The following IMPA1 variants were observed in gnomAD, a reference collection of about 807,000 sequenced individuals.
IMPA1 encodes D-galactose 1-phosphate phosphatase.
Under a neutral mutation model 34.9 loss-of-function variants are expected in IMPA1, and 21 were observed. The ratio of observed to expected loss-of-function variants is 0.60; its 90% CI spans 0.43 to 0.87. The LOEUF (loss-of-function observed/expected upper bound fraction) is 0.87, where lower values mean the gene tolerates loss of function less well. Ranked by LOEUF, IMPA1 falls within the 40% of genes least tolerant of loss-of-function variation. IMPA1 has a pLI of 0.00. For synonymous variants in IMPA1, 95 were observed against 104.4 expected, an observed-to-expected ratio of 0.91 and a Z score of 0.55; for missense variants, 299 against 336.4, an observed-to-expected ratio of 0.89 and a Z score of 0.87.
intron 1 of IMPA1, among the ~76,000 whole-genome samples, chr8:81,685,527 T>C (rs1285121022): frequency 6.9e-6 from 1 of 145,398 alleles, no homozygotes; most frequent in Non-Finnish European, 1.5e-5. Context: ...TTCTGTACTA[T>C]ATATAAGTAT....
At chr8:81,663,664 T>C (rs577986336) in intron 7 of IMPA1, among the ~76,000 whole-genome samples, 41 of 152,364 alleles carry the variant, frequency 2.7e-4, no homozygotes, top group Middle Eastern at 6.8e-3. Context: ...GAAAATATTA[T>C]GTTGTTATTT....
At chr8:81,659,604 T>C in intron 8 of IMPA1, 138 bp from the exon 9 acceptor site, 1 of 611,728 alleles carries the variant, frequency 1.6e-6, no homozygotes, top group Non-Finnish European at 2.9e-6. Context: ...ACTGTTACAT[T>C]TCTACAATGT....
chr8:81,672,223 C>T (rs938606684), intron 6 of IMPA1, among the ~76,000 whole-genome samples: 1 of 152,184 alleles, frequency 6.6e-6, no homozygotes, highest in Non-Finnish European at 1.5e-5. Context: ...TTTCAATGTG[C>T]AAACTGTGGA....
chr8:81,668,286 T>G (rs1021188649), intron 7 of IMPA1, among the ~76,000 whole-genome samples: 4 of 152,040 alleles, frequency 2.6e-5, no homozygotes, highest in Non-Finnish European at 5.9e-5. Context: ...AATGAATAAT[T>G]AAAGGGGAAG....
At chr8:81,662,996 T>C (rs1806722623) in intron 7 of IMPA1, among the ~76,000 whole-genome samples, 1 of 152,238 alleles carries the variant, frequency 6.6e-6, no homozygotes, top group African/African-American at 2.4e-5. Flanking sequence ...TTAGTTTCAT[T>C]GTTTTGTATA....
At chr8:81,680,038 G>C (rs1022069211) in intron 3 of IMPA1, among the ~76,000 whole-genome samples, 2 of 151,692 alleles carry the variant, frequency 1.3e-5, no homozygotes, top group East Asian at 3.9e-4. Flanking sequence ...AGGAGGCTGA[G>C]GCAGGAGAAT....
intron 1 of IMPA1, among the ~76,000 whole-genome samples, chr8:81,685,543 C>T (rs891569560): frequency 7.1e-6 from 1 of 141,382 alleles, no homozygotes; most frequent in Admixed American, 7.2e-5. Context: ...AGTATATATA[C>T]GTAAGTATAT....
chr8:81,660,471 G>C, intron 8 of IMPA1, 45 bp downstream of exon 8: 1 of 1,573,350 alleles, frequency 6.4e-7, no homozygotes, highest in Non-Finnish European at 8.7e-7. Flanking sequence ...ATGGACAAAA[G>C]TCCAACAGAT....
intron 7 of IMPA1, among the ~76,000 whole-genome samples, chr8:81,669,878 C>A (rs1366131855): frequency 3.9e-5 from 6 of 152,144 alleles, no homozygotes; most frequent in Admixed American, 3.9e-4. Flanking sequence ...ATGGATTAAT[C>A]CACTCATGGG....
In IMPA1 at chr8:81,685,775, A is replaced by G. The variant is rs1351280485; in HGVS notation, c.-25+477T>C. 6 of 1,534,118 alleles carry G rather than the reference A, an allele frequency of 3.9e-6. 1 individual carries two copies. The Admixed American group carries it at 6.1e-5, about 16-fold the overall frequency. On this transcript the variant is annotated intron_variant, in intron 1 of 8. Transcript: ENST00000256108. Reference sequence around the variant, plus strand: ...GTAGTTTACTCACTTTCATTTTCCCAAAGCCATAAACACCTGAACTGTTTC... The same window carrying G: ...GTAGTTTACTCACTTTCATTTTCCCGAAGCCATAAACACCTGAACTGTTTC...
rs1013097523 is a variant in IMPA1, at chr8:81,680,649, C to A, written c.197+1G>T. On this transcript the variant is annotated splice_donor_variant, in intron 3 of 8. Transcript: ENST00000256108. LOFTEE classifies it high-confidence loss of function. Reference sequence around the variant, plus strand: ...TTCTTGTACACAGTAAATAAAAATACCTGTGAGATGGATACTTTTCCTTTA... The same window carrying A: ...TTCTTGTACACAGTAAATAAAAATAACTGTGAGATGGATACTTTTCCTTTA... 1 of 1,603,324 alleles carries A rather than the reference C, an allele frequency of 6.2e-7. No homozygotes were observed. Among genetic ancestry groups the A allele is most frequent in the Non-Finnish European group, 8.5e-7 (1 of 1,172,912 alleles).
In IMPA1 at chr8:81,659,442, C is replaced by T. The variant is rs770116448; in HGVS notation, c.743G>A (p.Arg248Gln). The T allele has an allele frequency of 6.8e-6, 11 of 1,607,214 alleles. No homozygotes were observed. The highest frequency in any genetic ancestry group is 5.5e-5 in the South Asian group (5 of 90,910). ...TCTATTATTTGCAGCAATTACTCTT[C>T]GTGACATCAAATCAAATGGTCCACC... is the stretch of plus-strand genomic sequence containing the variant. The part of the protein sequence containing the change: ...VTGGPFDLMS[R>Q]RVIAANNRIL... Residue 248 changes from arginine to glutamine, a missense_variant, in exon 9 of 9, where the codon CGA becomes CAA. By Grantham distance (43) the Arg-to-Gln change is conservative (BLOSUM62 1). Coordinates refer to ENST00000256108, the MANE Select transcript of IMPA1 (RefSeq NM_005536.4).
At chr8:81,679,050 G>T in intron 4 of IMPA1, 76 bp downstream of exon 4, 1 of 880,236 alleles carries the variant, frequency 1.1e-6, no homozygotes, top group Non-Finnish European at 1.9e-6. Context: ...AAGTGTACAT[G>T]TTCCTAAATA....
intron 7 of IMPA1, among the ~76,000 whole-genome samples, chr8:81,662,077 T>A (rs1278592774): frequency 6.6e-6 from 1 of 152,340 alleles, no homozygotes; most frequent in Non-Finnish European, 1.5e-5. Flanking sequence ...AATAACATGA[T>A]GTCATTGATT....
At position 81,659,278 on chromosome 8, in the gene IMPA1, C is replaced by T. The variant is rs1168605393; in HGVS notation, c.*73G>A. ...ATTTAAACCAAGCATATCATACATCCAAAACACATATCCATTGATGAGTCA... is the reference window on the plus strand; with the variant it reads ...ATTTAAACCAAGCATATCATACATCTAAAACACATATCCATTGATGAGTCA... On this transcript the variant is annotated 3_prime_UTR_variant, in exon 9 of 9. Transcript: ENST00000256108. 4 of 845,652 alleles carry T rather than the reference C, an allele frequency of 4.7e-6. No homozygotes were observed. The highest frequency in any genetic ancestry group is 3.3e-5 in the African/African-American group (2 of 59,806). 52.4% of individuals were successfully genotyped at this position (845,652 alleles called of 1,614,324 possible). A position where few individuals can be genotyped will look rare whatever the true frequency, so the allele number is the denominator to read the frequency against.
chr8:81,660,084 A>G (rs932675762), intron 8 of IMPA1, among the ~76,000 whole-genome samples: 3 of 152,206 alleles, frequency 2.0e-5, no homozygotes, highest in Admixed American at 6.5e-5. Context: ...CTTGGGCCAC[A>G]CATAAAATAC....
intron 4 of IMPA1, among the ~76,000 whole-genome samples, chr8:81,677,776 A>G (rs944180686): frequency 2.0e-5 from 3 of 152,234 alleles, no homozygotes; most frequent in Non-Finnish European, 2.9e-5. Flanking sequence ...AAGATATAAC[A>G]TTCTATCACA....
At chr8:81,683,536 G>A (rs1807364918) in intron 1 of IMPA1, among the ~76,000 whole-genome samples, 1 of 152,142 alleles carries the variant, frequency 6.6e-6, no homozygotes, top group African/African-American at 2.4e-5. Flanking sequence ...TTCCCACTCT[G>A]GCAACTGTAT....
chr8:81,679,861 GT>G (rs1482826236), intron 3 of IMPA1, among the ~76,000 whole-genome samples: 5 of 152,248 alleles, frequency 3.3e-5, no homozygotes, highest in African/African-American at 1.2e-4. Flanking sequence ...TAGGGGCCAG[GT>G]GTGGTGGCTC....
Sources: gnomAD v4.1 joint callset for allele counts (sites outside exome capture counted in the v4.1 genomes callset) on GRCh38, gnomAD v4.1.1 for gene constraint, MANE v1.5 for transcripts, NCBI Gene and HGNC (gene_info 2026-07-23, HGNC 2026-07-21) for gene names.